Variants in ADARB2 observed in about 807,000 individuals in gnomAD.
ADARB2 encodes the protein adenosine deaminase RNA specific B2 (inactive), also known as inactive double-stranded RNA-specific editase B2.
A neutral mutation model predicts 62.2 loss-of-function variants in ADARB2; 25 were observed. The observed-to-expected ratio is 0.40, with a 90% CI of 0.29 to 0.56. The LOEUF (loss-of-function observed/expected upper bound fraction) is 0.56, where lower values mean the gene tolerates loss of function less well. ADARB2 is among the 20% of genes least tolerant of loss of function. ADARB2 has a pLI of 0.43. For missense variants in ADARB2, 1,071 were observed against 1,077.4 expected (o/e 0.99, Z 0.08); for synonymous variants, 572 against 500.8 (o/e 1.14, Z -1.90).
At chr10:1,446,788 A>G (rs2131899067) in intron 1 of ADARB2, among the ~76,000 whole-genome samples, 1 of 152,262 alleles carries the variant, frequency 6.6e-6, no homozygotes, top group African/African-American at 2.4e-5. Flanking sequence ...TTCAGAGTGG[A>G]CTTTGATAAG....
chr10:1,414,125 A>T (rs1335840544), intron 1 of ADARB2, among the ~76,000 whole-genome samples: 5 of 152,198 alleles, frequency 3.3e-5, no homozygotes, highest in African/African-American at 1.2e-4. Context: ...GCCTCCAGCC[A>T]GTTATCCTCA....
intron 1 of ADARB2, among the ~76,000 whole-genome samples, chr10:1,733,781 T>C (rs531085610): frequency 6.6e-6 from 1 of 152,288 alleles, no homozygotes; most frequent in African/African-American, 2.4e-5. Flanking sequence ...TACCAAGAAC[T>C]ATAAAATAAA....
At chr10:1,626,301 G>A (rs939217795) in intron 1 of ADARB2, among the ~76,000 whole-genome samples, 55 of 132,306 alleles carry the variant, frequency 4.2e-4, no homozygotes, top group African/African-American at 7.0e-4. Context: ...ACTGGACCTC[G>A]GACGCTAACC....
intron 1 of ADARB2, among the ~76,000 whole-genome samples, chr10:1,441,335 G>A (rs1031894863): frequency 2.0e-5 from 3 of 152,176 alleles, no homozygotes; most frequent in Admixed American, 6.5e-5. Context: ...TGCTTCAGAT[G>A]CACTGTTTTT....
At chr10:1,531,029 T>C (rs1179450393) in intron 1 of ADARB2, among the ~76,000 whole-genome samples, 4 of 152,154 alleles carry the variant, frequency 2.6e-5, no homozygotes, top group Admixed American at 6.5e-5. Context: ...CATTTCTGCC[T>C]CCCATTAGGT....
intron 1 of ADARB2, among the ~76,000 whole-genome samples, chr10:1,577,649 G>C (rs974441994): frequency 6.6e-6 from 1 of 152,128 alleles, no homozygotes; most frequent in Non-Finnish European, 1.5e-5. Flanking sequence ...GGGGACGGTG[G>C]GAAAGGACGG....
intron 1 of ADARB2, among the ~76,000 whole-genome samples, chr10:1,396,205 G>A (rs189579679): frequency 1.3e-5 from 2 of 152,174 alleles, no homozygotes; most frequent in African/African-American, 4.8e-5. Flanking sequence ...ACACGGGATG[G>A]GTTTTATTAT....
At chr10:1,396,189 G>A (rs982652385) in intron 1 of ADARB2, among the ~76,000 whole-genome samples, 1 of 151,890 alleles carries the variant, frequency 6.6e-6, no homozygotes, top group Non-Finnish European at 1.5e-5. Context: ...TGAGCTCCTG[G>A]CTGGTACACG....
At chr10:1,206,263 C>T (rs984188581) in intron 7 of ADARB2, among the ~76,000 whole-genome samples, 11 of 152,198 alleles carry the variant, frequency 7.2e-5, no homozygotes, top group Admixed American at 7.2e-4. Flanking sequence ...CCTAACGATT[C>T]CTCCTTAAGC....
At chr10:1,203,050 T>C (rs367599673) in intron 7 of ADARB2, among the ~76,000 whole-genome samples, 3 of 152,176 alleles carry the variant, frequency 2.0e-5, no homozygotes, top group African/African-American at 7.2e-5. Context: ...CAAATGTCTT[T>C]CTGAATATGA....
chr10:1,621,318 T>C (rs1254630285), intron 1 of ADARB2, among the ~76,000 whole-genome samples: 1 of 152,190 alleles, frequency 6.6e-6, no homozygotes. Flanking sequence ...TTTTTATATA[T>C]TACTAACAAT....
At chr10:1,686,251 G>C (rs56091809) in intron 1 of ADARB2, among the ~76,000 whole-genome samples, 1 of 152,204 alleles carries the variant, frequency 6.6e-6, no homozygotes, top group Non-Finnish European at 1.5e-5. Flanking sequence ...ATGGGCCAAG[G>C]CCTCGGCGGG....
At chr10:1,308,341 G>A (rs1271906999) in intron 3 of ADARB2, among the ~76,000 whole-genome samples, 1 of 152,164 alleles carries the variant, frequency 6.6e-6, no homozygotes, top group Non-Finnish European at 1.5e-5. Flanking sequence ...TTCCTTCTTT[G>A]TAATGCTGAC....
chr10:1,473,998 T>A (rs1387944458), intron 1 of ADARB2, among the ~76,000 whole-genome samples: 1 of 150,070 alleles, frequency 6.7e-6, no homozygotes, highest in Non-Finnish European at 1.5e-5. Flanking sequence ...AGCCCCCGGA[T>A]CACGGGGGAG....
At chr10:1,593,542 A>T (rs933572805) in intron 1 of ADARB2, among the ~76,000 whole-genome samples, 1 of 152,272 alleles carries the variant, frequency 6.6e-6, no homozygotes, top group African/African-American at 2.4e-5. Flanking sequence ...ATTTTTTAAA[A>T]TTTAAATTCC....
intron 1 of ADARB2, among the ~76,000 whole-genome samples, chr10:1,659,377 G>A (rs1834214021): frequency 6.6e-6 from 1 of 152,194 alleles, no homozygotes; most frequent in African/African-American, 2.4e-5. Context: ...GAAGGCCGGA[G>A]CCAGGCACAG....
chr10:1,442,519 G>A (rs1489869708), intron 1 of ADARB2, among the ~76,000 whole-genome samples: 1 of 152,158 alleles, frequency 6.6e-6, no homozygotes, highest in Non-Finnish European at 1.5e-5. Flanking sequence ...TAGAAAACCA[G>A]ACATTTTCAC....
chr10:1,584,355 A>G (rs1203636199), intron 1 of ADARB2, among the ~76,000 whole-genome samples: 1 of 51,554 alleles, frequency 1.9e-5, no homozygotes, highest in African/African-American at 5.6e-5. Context: ...CCCGTATCAT[A>G]TGTCACTAGA....
chr10:1,219,357 T>C (rs1435478108), intron 6 of ADARB2, among the ~76,000 whole-genome samples: 4 of 152,264 alleles, frequency 2.6e-5, no homozygotes, highest in African/African-American at 9.6e-5. Context: ...TAATTTCCAG[T>C]GTATTTTCTA....
Sources: allele counts gnomAD v4.1 joint callset (sites outside exome capture counted in the v4.1 genomes callset), GRCh38; gene constraint gnomAD v4.1.1; transcripts MANE v1.5; gene names NCBI Gene and HGNC (gene_info 2026-07-23, HGNC 2026-07-21).